The following THOC5 variants were observed in gnomAD, a reference collection of about 807,000 sequenced individuals.
The protein encoded by THOC5 is Fms-interacting protein.
Under a neutral mutation model 92.9 loss-of-function variants are expected in THOC5, and 43 were observed. That is an observed-to-expected ratio of 0.46 (90% CI 0.36 to 0.60). The LOEUF is 0.60. Ranked by LOEUF, THOC5 falls within the 20% of genes least tolerant of loss-of-function variation. THOC5 has a pLI of 0.00. For synonymous variants in THOC5, 296 were observed against 320.1 expected, an observed-to-expected ratio of 0.92 and a Z score of 0.80; for missense variants, 659 against 849.4, an observed-to-expected ratio of 0.78 and a Z score of 2.79.
At chr22:29,526,348 C>A (rs2063544368) in intron 11 of THOC5, among the ~76,000 whole-genome samples, 1 of 151,898 alleles carries the variant, frequency 6.6e-6, no homozygotes, top group African/African-American at 2.4e-5. Context: ...CTGGCTAACA[C>A]AGTGAAACCC....
At chr22:29,524,727 A>G (rs1436079744) in intron 12 of THOC5, among the ~76,000 whole-genome samples, 1 of 152,168 alleles carries the variant, frequency 6.6e-6, no homozygotes, top group South Asian at 2.1e-4. Flanking sequence ...CAGCAGCCAA[A>G]GCTGCTATGG....
intron 1 of THOC5, among the ~76,000 whole-genome samples, chr22:29,551,153 G>C (rs781700877): frequency 6.6e-6 from 1 of 152,186 alleles, no homozygotes; most frequent in Non-Finnish European, 1.5e-5. Context: ...AAGTGACTTG[G>C]CTGGGCGCAG....
intron 12 of THOC5, among the ~76,000 whole-genome samples, chr22:29,523,574 T>G (rs1569215566): frequency 1.3e-5 from 2 of 152,290 alleles, no homozygotes; most frequent in Non-Finnish European, 2.9e-5. Flanking sequence ...AAATCCAGAC[T>G]AGGTAGAACC....
At chr22:29,516,365 G>A (rs2146449146) in intron 17 of THOC5, among the ~76,000 whole-genome samples, 1 of 152,290 alleles carries the variant, frequency 6.6e-6, no homozygotes, top group Middle Eastern at 3.4e-3. Flanking sequence ...TGATACCAAA[G>A]AGTTCAGCCT....
chr22:29,525,594 G>A (rs2063526732), intron 12 of THOC5, among the ~76,000 whole-genome samples: 2 of 152,182 alleles, frequency 1.3e-5, no homozygotes, highest in African/African-American at 4.8e-5. Context: ...TACTCAATTT[G>A]CAAATATGCT....
At chr22:29,552,886 C>G (rs2064200241) in intron 1 of THOC5, among the ~76,000 whole-genome samples, 1 of 152,198 alleles carries the variant, frequency 6.6e-6, no homozygotes, top group African/African-American at 2.4e-5. Flanking sequence ...CCATTTTGTT[C>G]TGTACTGAGA....
In THOC5 at chr22:29,544,557, G is replaced by C. The variant is rs781172346; in HGVS notation, c.143C>G (p.Pro48Arg). 5.6e-6 allele frequency: 9 copies of C among 1,613,652 alleles called. No individual in the cohort carries two copies. The highest frequency in any genetic ancestry group is 6.8e-6 in the Non-Finnish European group (8 of 1,179,842). The change falls in exon 3 of 20, where the codon CCT becomes CGT. Residue 48 changes from proline to arginine, a missense_variant. Transcript: ENST00000490103. ...SEEAEVDLRDPGRDYELYKYT... is the reference protein window; with the variant it reads ...SEEAEVDLRDRGRDYELYKYT... ...CTTGTATAACTCATAGTCTCTGCCA[G>C]GGTCCCGCAGATCCACCTCGGCCTC... is the stretch of plus-strand genomic sequence containing the variant.
intron 17 of THOC5, among the ~76,000 whole-genome samples, chr22:29,514,902 G>C (rs980503591): frequency 6.6e-6 from 1 of 151,508 alleles, no homozygotes; most frequent in African/African-American, 2.4e-5. Context: ...GACAGGGTTT[G>C]CTATGTTGGC....
At chr22:29,543,009 G>C (rs374138549) in intron 4 of THOC5, 53 bp from the exon 5 acceptor site, 3 of 1,363,750 alleles carry the variant, frequency 2.2e-6, no homozygotes, top group East Asian at 2.3e-5. Flanking sequence ...ATGGAGCAGA[G>C]GAGAGGGTCA....
At position 29,549,150 on chromosome 22, in the gene THOC5, T is replaced by C. The variant is rs1248068626; in HGVS notation, c.-3A>G. The C allele has an allele frequency of 6.2e-7, 1 of 1,614,142 alleles. No homozygotes were observed. ...TTTTTGCTCGATTCTGATGACATGG[T>C]TGTTCCTCCTGTTAAGAGGAGAAAG... On this transcript the variant is annotated 5_prime_UTR_variant, in exon 2 of 20. Transcript: ENST00000490103.
chr22:29,541,185 T>C (rs937530010), intron 5 of THOC5, among the ~76,000 whole-genome samples: 1 of 141,530 alleles, frequency 7.1e-6, no homozygotes, highest in African/African-American at 2.6e-5. Flanking sequence ...ACTTTATCTT[T>C]AAAAAAAAAA....
chr22:29,533,342 T>A lies in THOC5; in HGVS notation c.715-1379A>T, dbSNP rs141289753. On this transcript the variant is annotated intron_variant, in intron 7 of 19. Transcript: ENST00000490103. ...GATGGACACAGAGATTATACACATA[T>A]CCACATGTACAAAGACATTTGATTT... 7.9e-5 allele frequency among the ~76,000 whole-genome samples: 12 copies of A among 152,308 alleles called. No individual in the cohort carries two copies. The East Asian group carries it at 1.9e-3, about 24-fold the overall frequency.
chr22:29,511,126 C>G lies in THOC5; in HGVS notation c.1968G>C (p.Lys656Asn), dbSNP rs1370354065. ...VEGPKEFPQE[K>N]MCLRLFRGPS... Reference sequence around the variant, plus strand: ...CTCACCTGAAGAGCCGCAGACACATCTTCTCCTGGGGAAATTCCTTGGGCC... The same window carrying G: ...CTCACCTGAAGAGCCGCAGACACATGTTCTCCTGGGGAAATTCCTTGGGCC... The change falls in exon 19 of 20, where the codon AAG becomes AAC. Residue 656 changes from lysine to asparagine, a missense_variant. Transcript: ENST00000490103. 1 of 1,614,170 alleles carries G rather than the reference C, an allele frequency of 6.2e-7. No homozygotes were observed. The highest frequency in any genetic ancestry group is 1.1e-5 in the South Asian group (1 of 91,074).
intron 12 of THOC5, among the ~76,000 whole-genome samples, chr22:29,524,977 G>A (rs1397983669): frequency 6.6e-6 from 1 of 152,180 alleles, no homozygotes; most frequent in Non-Finnish European, 1.5e-5. Context: ...TGCAGAAGAA[G>A]AATGCCATGA....
intron 12 of THOC5, among the ~76,000 whole-genome samples, chr22:29,523,772 ATTGT>A (rs1411497972): frequency 3.3e-5 from 5 of 152,212 alleles, no homozygotes; most frequent in Admixed American, 1.3e-4. Context: ...ATTAAAAAAA[ATTGT>A]TTGTCTGAAA....
chr22:29,512,096 G>A lies in THOC5; in HGVS notation c.1722C>T (p.Ser574=), dbSNP rs1298302472. 6.2e-6 allele frequency: 10 copies of A among 1,614,052 alleles called. No homozygotes were observed. In the East Asian group the frequency reaches 1.6e-4, roughly 25 times the overall value. The change falls in exon 18 of 20, where the codon TCC becomes TCT. Residue 574 remains serine (S), a synonymous_variant. Transcript: ENST00000490103. ...QAAVVLNPGY[S]SIPPVFQLCL... ...AGAGCTGGAAAACAGGTGGGATGGA[G>A]GAGTAGCCAGGGTTCAACACCACAG... is the stretch of plus-strand genomic sequence containing the variant.
chr22:29,514,676 A>G (rs547758765), intron 17 of THOC5, among the ~76,000 whole-genome samples: 1 of 150,898 alleles, frequency 6.6e-6, no homozygotes, highest in Non-Finnish European at 1.5e-5. Flanking sequence ...TTGCTTTTCA[A>G]TTTCACAATG....
rs142674873 is a variant in THOC5 at position 29,511,826 on chromosome 22, C to CG, written c.1797+194_1797+195insC. Among the ~76,000 whole-genome samples, 447 of 152,290 alleles carry CG rather than the reference C, an allele frequency of 2.9e-3. 3 individuals carry two copies. The highest frequency in any genetic ancestry group is 0.01 in the African/African-American group (427 of 41,560). On this transcript the variant is annotated intron_variant, in intron 18 of 19. Coordinates refer to ENST00000490103, the MANE Select transcript of THOC5 (RefSeq NM_003678.5). The stretch of plus-strand genomic sequence containing the variant: ...TCTAAGTGGGGAAACCTGTGGACCC[C>CG]AAGGTAGGCAAGTAGGTCTGGGCTC...
In THOC5 at chr22:29,544,531, A is replaced by T; in HGVS notation, c.169T>A (p.Tyr57Asn). ...AGCCTCTGTAGCTCCTGGCAGGTGT[A>T]CTTGTATAACTCATAGTCTCTGCCA... ...DPGRDYELYKYTCQELQRLMA... is the reference protein window; with the variant it reads ...DPGRDYELYKNTCQELQRLMA... The change falls in exon 3 of 20, where the codon TAC becomes AAC. Residue 57 changes from tyrosine (Y) to asparagine (N), a missense_variant. Tyr to Asn is a moderately radical substitution (Grantham distance 143). Coordinates refer to ENST00000490103, the MANE Select transcript of THOC5 (RefSeq NM_003678.5). 1 of 1,614,040 alleles carries T rather than the reference A, an allele frequency of 6.2e-7. No homozygotes were observed. The highest frequency in any genetic ancestry group is 8.5e-7 in the Non-Finnish European group (1 of 1,180,000).
Sources: allele counts gnomAD v4.1 joint callset (sites outside exome capture counted in the v4.1 genomes callset), GRCh38; gene constraint gnomAD v4.1.1; transcripts MANE v1.5; gene names NCBI Gene and HGNC (gene_info 2026-07-23, HGNC 2026-07-21).